DNAH11: variants seen among roughly 807,000 people sequenced by gnomAD.
The protein encoded by DNAH11 is axonemal beta dynein heavy chain 11.
DNAH11 carries 442 observed loss-of-function variants against 526.0 expected under a neutral mutation model. The observed-to-expected ratio is 0.84, with a 90% CI of 0.78 to 0.91. The LOEUF is 0.91. Among genes scored for constraint, DNAH11 ranks in the 40% least tolerant of loss-of-function variants. The pLI, the probability that DNAH11 is intolerant of heterozygous loss-of-function variation, is 0.00. For synonymous variants in DNAH11, 2,461 were observed against 1,935.9 expected (o/e 1.27, Z -7.12); for missense variants, 6,989 against 5,448.7 (o/e 1.28, Z -8.90).
chr7:21,811,404 C>T (rs1056297759), intron 63 of DNAH11, among the ~76,000 whole-genome samples: 4 of 151,140 alleles, frequency 2.6e-5, no homozygotes, highest in East Asian at 1.9e-4. Flanking sequence ...TGCAGTGAGC[C>T]GAGATCGCGC....
chr7:21,615,250 G>A lies in DNAH11; in HGVS notation c.3989G>A (p.Trp1330Ter). 6.2e-7 allele frequency: 1 copy of A among 1,612,558 alleles called. No homozygotes were observed. Among genetic ancestry groups the A allele is most frequent in the African/African-American group, 1.3e-5 (1 of 74,996 alleles). ...GAAATAAAATTGCTCAAGGGACTGT[G>A]GGATGTCATTATTTATGTTCGAGTA... ...RKEIKLLKGLWDVIIYVRRSI... is the reference protein window; with the variant it reads ...RKEIKLLKGL The change falls in exon 21 of 82, where the codon TGG (tryptophan) becomes TAG (stop). Residue 1330 changes from tryptophan (W) to a stop codon, truncating the protein, a stop_gained. Coordinates refer to ENST00000409508, the MANE Select transcript of DNAH11 (RefSeq NM_001277115.2). LOFTEE classifies it high-confidence loss of function.
chr7:21,871,405 G>A (rs1783490414), intron 73 of DNAH11, among the ~76,000 whole-genome samples: 1 of 152,208 alleles, frequency 6.6e-6, no homozygotes, highest in Non-Finnish European at 1.5e-5. Flanking sequence ...CTCAAGAATA[G>A]CTGCCAAGCT....
At chr7:21,543,630 CAACAA>C in intron 1 of DNAH11, 34 bp downstream of exon 1, 2 of 1,553,704 alleles carry the variant, frequency 1.3e-6, no homozygotes, top group Non-Finnish European at 1.7e-6. Flanking sequence ...CCTGCCCATC[CAACAA>C]AACTACCCAG....
chr7:21,601,686 A>G (rs913568141), intron 18 of DNAH11, 68 bp downstream of exon 18: 2 of 1,205,940 alleles, frequency 1.7e-6, no homozygotes, highest in African/African-American at 1.5e-5. Flanking sequence ...AGTACTTTAC[A>G]TGTACTCTCT....
At chr7:21,755,766 G>C (rs1052248631) in intron 54 of DNAH11, among the ~76,000 whole-genome samples, 2 of 152,018 alleles carry the variant, frequency 1.3e-5, no homozygotes, top group African/African-American at 4.8e-5. Context: ...CTGATTAGAA[G>C]GCTCCCATAG....
At chr7:21,644,112 G>A (rs914430635) in intron 28 of DNAH11, among the ~76,000 whole-genome samples, 4 of 152,170 alleles carry the variant, frequency 2.6e-5, no homozygotes, top group Admixed American at 6.5e-5. Flanking sequence ...AAATTACAGC[G>A]ATGAGACAGA....
At chr7:21,896,190 C>T (rs1383017105) in intron 79 of DNAH11, among the ~76,000 whole-genome samples, 2 of 152,098 alleles carry the variant, frequency 1.3e-5, no homozygotes, top group African/African-American at 2.4e-5. Context: ...ATATACTGTA[C>T]TGATTTCTTT....
chr7:21,852,660 T>G, intron 67 of DNAH11, 29 bp downstream of exon 67: 7 of 1,547,856 alleles, frequency 4.5e-6, no homozygotes, highest in Non-Finnish European at 6.1e-6. Flanking sequence ...GCCTGGCAGA[T>G]TCTAATGCTC....
intron 63 of DNAH11, among the ~76,000 whole-genome samples, chr7:21,813,926 C>T (rs1253214573): frequency 2.6e-5 from 4 of 152,120 alleles, no homozygotes; most frequent in African/African-American, 9.7e-5. Flanking sequence ...AAGGTATACT[C>T]TAATATGTCA....
intron 55 of DNAH11, among the ~76,000 whole-genome samples, chr7:21,769,684 C>T (rs1375015827): frequency 6.6e-6 from 1 of 151,978 alleles, no homozygotes; most frequent in Admixed American, 6.6e-5. Context: ...AGGGTTTCAC[C>T]ATGTTGCCCA....
intron 9 of DNAH11, 54 bp downstream of exon 9, chr7:21,582,075 G>A: frequency 1.7e-6 from 2 of 1,168,950 alleles, no homozygotes; most frequent in Non-Finnish European, 2.5e-6. Flanking sequence ...AATATAGGCT[G>A]TTAAATGAAA....
intron 67 of DNAH11, among the ~76,000 whole-genome samples, chr7:21,853,243 T>G (rs1409415812): frequency 6.6e-6 from 1 of 152,206 alleles, no homozygotes; most frequent in African/African-American, 2.4e-5. Flanking sequence ...CCGTTAACCC[T>G]TAAAATGCCA....
intron 63 of DNAH11, 56 bp from the exon 64 acceptor site, chr7:21,816,411 C>A (rs900045964): frequency 7.3e-7 from 1 of 1,362,276 alleles, no homozygotes; most frequent in Non-Finnish European, 1.0e-6. Context: ...CTTTTCTTGT[C>A]TGTCTTCTCT....
chr7:21,672,233 T>A (rs1782667482), intron 30 of DNAH11, among the ~76,000 whole-genome samples: 1 of 152,164 alleles, frequency 6.6e-6, no homozygotes, highest in Non-Finnish European at 1.5e-5. Flanking sequence ...CAAGGTGCTA[T>A]AGCAATTACA....
intron 25 of DNAH11, among the ~76,000 whole-genome samples, chr7:21,620,399 T>C (rs1785991820): frequency 6.6e-6 from 1 of 151,564 alleles, no homozygotes; most frequent in Non-Finnish European, 1.5e-5. Context: ...TCCCCCCGGC[T>C]CTGGTAACCA....
rs775606989 is a variant in DNAH11, at chr7:21,687,397, T to C, written c.5794T>C (p.Tyr1932His). The C allele has an allele frequency of 3.7e-6, 6 of 1,613,446 alleles. No individual in the cohort carries two copies. In the South Asian group the frequency reaches 6.6e-5, roughly 18 times the overall value. The change falls in exon 34 of 82, where the codon TAT becomes CAT. Residue 1932 changes from tyrosine to histidine, a missense_variant. By Grantham distance (83) the Tyr-to-His change is moderately conservative. Transcript: ENST00000409508. Reference sequence around the variant, plus strand: ...TATCATTTAGTCCATAGGCAATATCTATAAGGGATTGGTGCAGACAGGAGC... The same window carrying C: ...TATCATTTAGTCCATAGGCAATATCCATAAGGGATTGGTGCAGACAGGAGC... ...QMDYKSIGNI[Y>H]KGLVQTGAWG...
chr7:21,850,689 A>G (rs1782599758), intron 66 of DNAH11, among the ~76,000 whole-genome samples: 1 of 131,702 alleles, frequency 7.6e-6, no homozygotes, highest in Non-Finnish European at 1.5e-5. Flanking sequence ...GACATGATGT[A>G]TTAGATAACT....
In DNAH11 at chr7:21,690,891, A is replaced by C. The variant is rs773768547; in HGVS notation, c.6041+10A>C. On this transcript the variant is annotated intron_variant, in intron 35 of 81. Coordinates refer to ENST00000409508, the MANE Select transcript of DNAH11 (RefSeq NM_001277115.2). The stretch of plus-strand genomic sequence containing the variant: ...TCAAAGCTCTTTTCAGGCAAGTGTT[A>C]TGCTTTGTGGCTTAGCATCTGGTGC... 3 of 1,600,654 alleles carry C rather than the reference A, an allele frequency of 1.9e-6. No individual in the cohort carries two copies. The highest frequency in any genetic ancestry group is 2.2e-5 in the East Asian group (1 of 44,694).
intron 40 of DNAH11, among the ~76,000 whole-genome samples, chr7:21,709,484 A>G (rs1171190508): frequency 1.3e-5 from 2 of 152,186 alleles, no homozygotes; most frequent in Non-Finnish European, 2.9e-5. Flanking sequence ...TATGCTTACT[A>G]CCTGGACGAT....
Sources: gnomAD v4.1 joint callset for allele counts (sites outside exome capture counted in the v4.1 genomes callset) on GRCh38, gnomAD v4.1.1 for gene constraint, MANE v1.5 for transcripts, NCBI Gene and HGNC (gene_info 2026-07-23, HGNC 2026-07-21) for gene names.